CSMD1: variants seen among roughly 807,000 people sequenced by gnomAD.
CSMD1 encodes CUB and sushi domain-containing protein 1.
In CSMD1, 213 loss-of-function variants were observed where a neutral mutation model predicts 417.5. That is an observed-to-expected ratio of 0.51 (90% CI 0.46 to 0.57). The LOEUF (loss-of-function observed/expected upper bound fraction) is 0.57, where lower values mean the gene tolerates loss of function less well. CSMD1 is among the 20% of genes least tolerant of loss of function. The probability of loss-of-function intolerance (pLI) is 0.00; values close to 1 mark genes in which losing one functional copy is unlikely to be tolerated. For missense variants in CSMD1, 6,923 were observed against 4,529.7 expected (o/e 1.53, Z -15.17); for synonymous variants, 2,862 against 1,736.8 (o/e 1.65, Z -16.11).
At chr8:3,891,986 A>G (rs1807002934) in intron 5 of CSMD1, among the ~76,000 whole-genome samples, 1 of 152,112 alleles carries the variant, frequency 6.6e-6, no homozygotes, top group Non-Finnish European at 1.5e-5. Context: ...CTACTTCAAT[A>G]TTAGCACACG....
chr8:4,950,209 G>C (rs1031296188), intron 1 of CSMD1, among the ~76,000 whole-genome samples: 6 of 152,036 alleles, frequency 3.9e-5, no homozygotes, highest in African/African-American at 1.4e-4. Flanking sequence ...CTTCTGAAAA[G>C]TATTTGATGC....
At chr8:3,093,264 C>T (rs1815070968) in intron 47 of CSMD1, among the ~76,000 whole-genome samples, 1 of 152,126 alleles carries the variant, frequency 6.6e-6, no homozygotes, top group Non-Finnish European at 1.5e-5. Context: ...CACAGGCACG[C>T]CCTGAGTGGG....
chr8:3,802,460 T>C (rs971061711), intron 5 of CSMD1, among the ~76,000 whole-genome samples: 3 of 152,208 alleles, frequency 2.0e-5, no homozygotes, highest in Non-Finnish European at 2.9e-5. Flanking sequence ...TTTGTCAGCC[T>C]GATACATAAG....
At chr8:3,619,992 C>T (rs1423974269) in intron 7 of CSMD1, among the ~76,000 whole-genome samples, 1 of 152,086 alleles carries the variant, frequency 6.6e-6, no homozygotes, top group Non-Finnish European at 1.5e-5. Flanking sequence ...ATCCCAGCTA[C>T]TTGGGAGGCT....
In CSMD1 at chr8:4,771,099, G is replaced by A. The variant is rs141558192; in HGVS notation, c.86-133541C>T. Among the ~76,000 whole-genome samples the A allele has an allele frequency of 2.6e-5, 4 of 152,276 alleles. No homozygotes were observed. In the East Asian group the frequency reaches 5.8e-4, roughly 22 times the overall value. ...ATTCAAGATTTGTAAATAACTCATA[G>A]CACTCAACATATAACCTCATGTTAA... On this transcript the variant is annotated intron_variant, in intron 1 of 69. Coordinates refer to ENST00000635120, the MANE Select transcript of CSMD1 (RefSeq NM_033225.6).
chr8:4,456,607 G>A (rs891303294), intron 2 of CSMD1, among the ~76,000 whole-genome samples: 4 of 152,124 alleles, frequency 2.6e-5, no homozygotes, highest in Non-Finnish European at 4.4e-5. Context: ...GGATAGAAGA[G>A]TAGAGGCAAT....
chr8:3,677,771 T>C (rs770241831), intron 7 of CSMD1, among the ~76,000 whole-genome samples: 1 of 152,236 alleles, frequency 6.6e-6, no homozygotes, highest in African/African-American at 2.4e-5. Context: ...TGAAAACTTC[T>C]ATCCAGAGTA....
chr8:3,831,184 A>G (rs1457049507), intron 5 of CSMD1, among the ~76,000 whole-genome samples: 3 of 152,186 alleles, frequency 2.0e-5, no homozygotes, highest in African/African-American at 7.2e-5. Flanking sequence ...CTCTACATTG[A>G]TGAGTGGATA....
chr8:4,149,523 C>T (rs1796455519), intron 3 of CSMD1, among the ~76,000 whole-genome samples: 1 of 152,152 alleles, frequency 6.6e-6, no homozygotes, highest in African/African-American at 2.4e-5. Context: ...CAGGGAACTA[C>T]CATTTCAATA....
chr8:3,188,306 T>C (rs1185019572), intron 35 of CSMD1, among the ~76,000 whole-genome samples: 1 of 124,642 alleles, frequency 8.0e-6, no homozygotes, highest in Non-Finnish European at 1.7e-5. Context: ...TTTCCTTTCT[T>C]TTTTTTTTTT....
At chr8:3,845,089 A>G (rs1803409409) in intron 5 of CSMD1, among the ~76,000 whole-genome samples, 1 of 152,260 alleles carries the variant, frequency 6.6e-6, no homozygotes, top group Admixed American at 6.5e-5. Context: ...AAATGCATAC[A>G]TATATTTAGA....
chr8:3,585,240 G>A (rs962162705), intron 9 of CSMD1, among the ~76,000 whole-genome samples: 9 of 152,190 alleles, frequency 5.9e-5, no homozygotes, highest in African/African-American at 2.2e-4. Context: ...AGGCTGCAAT[G>A]ACACTATGCT....
At chr8:3,187,328 G>C (rs10216954) in intron 36 of CSMD1, among the ~76,000 whole-genome samples, 3 of 151,940 alleles carry the variant, frequency 2.0e-5, no homozygotes, top group Non-Finnish European at 2.9e-5. Flanking sequence ...GGGAAGGGAA[G>C]ACTTGCAGGG....
At chr8:4,712,452 T>C (rs1808366529) in intron 1 of CSMD1, among the ~76,000 whole-genome samples, 1 of 152,196 alleles carries the variant, frequency 6.6e-6, no homozygotes, top group Non-Finnish European at 1.5e-5. Flanking sequence ...TGAACCCTTC[T>C]CACAATTTTT....
intron 3 of CSMD1, among the ~76,000 whole-genome samples, chr8:4,138,269 A>G (rs1017059241): frequency 8.2e-5 from 12 of 146,618 alleles, no homozygotes; most frequent in African/African-American, 2.3e-4. Flanking sequence ...TGGCTATGCC[A>G]TAAACTAAAT....
intron 5 of CSMD1, among the ~76,000 whole-genome samples, chr8:3,820,911 T>C (rs943235716): frequency 2.0e-5 from 3 of 151,770 alleles, no homozygotes; most frequent in Admixed American, 6.6e-5. Flanking sequence ...CCTGAGGGTG[T>C]TCTATCTTTT....
At chr8:4,390,241 T>C (rs1203737388) in intron 3 of CSMD1, among the ~76,000 whole-genome samples, 1 of 152,132 alleles carries the variant, frequency 6.6e-6, no homozygotes, top group Non-Finnish European at 1.5e-5. Flanking sequence ...GCCTTCTTCT[T>C]GGGGAAAAAG....
chr8:4,380,538 A>T (rs1000368016), intron 3 of CSMD1, among the ~76,000 whole-genome samples: 2 of 152,204 alleles, frequency 1.3e-5, no homozygotes, highest in African/African-American at 4.8e-5. Flanking sequence ...AGACGTGACG[A>T]CTAAATGCCA....
intron 3 of CSMD1, among the ~76,000 whole-genome samples, chr8:4,226,892 C>T (rs968254359): frequency 2.0e-5 from 3 of 152,130 alleles, no homozygotes; most frequent in Non-Finnish European, 1.5e-5. Flanking sequence ...CATATTTGAA[C>T]GTAAAGGATT....
Sources: allele counts gnomAD v4.1 joint callset (sites outside exome capture counted in the v4.1 genomes callset), GRCh38; gene constraint gnomAD v4.1.1; transcripts MANE v1.5; gene names NCBI Gene and HGNC (gene_info 2026-07-23, HGNC 2026-07-21).